Variants in NUP50 observed in about 807,000 individuals in gnomAD.
NUP50 encodes nuclear pore complex protein Nup50.
In NUP50, 14 loss-of-function variants were observed where a neutral mutation model predicts 36.8. That is an observed-to-expected ratio of 0.38 (90% CI 0.25 to 0.59). The LOEUF (loss-of-function observed/expected upper bound fraction) is 0.59. NUP50 is among the 20% of genes least tolerant of loss of function. NUP50 has a pLI of 0.63. For missense variants in NUP50, 455 were observed against 564.6 expected (o/e 0.81, Z 1.97); for synonymous variants, 195 against 210.8 (o/e 0.93, Z 0.65).
intron 2 of NUP50, among the ~76,000 whole-genome samples, chr22:45,169,108 G>C (rs554658026): frequency 5.9e-5 from 9 of 152,160 alleles, no homozygotes; most frequent in Non-Finnish European, 1.0e-4. Context: ...CACCATGTTG[G>C]TCAGACTGGT....
chr22:45,177,934 C>T, intron 4 of NUP50: 1 of 313,342 alleles, frequency 3.2e-6, no homozygotes, highest in South Asian at 3.3e-5. Flanking sequence ...CAAGACCAGC[C>T]TGGCCAACAT....
intron 3 of NUP50, among the ~76,000 whole-genome samples, chr22:45,173,761 G>A (rs2074234371): frequency 6.6e-6 from 1 of 152,196 alleles, no homozygotes; most frequent in Non-Finnish European, 1.5e-5. Flanking sequence ...AAGTTCAAGA[G>A]GTAGAAATAG....
At chr22:45,173,061 A>G (rs1417959915) in intron 3 of NUP50, among the ~76,000 whole-genome samples, 1 of 152,118 alleles carries the variant, frequency 6.6e-6, no homozygotes, top group African/African-American at 2.4e-5. Flanking sequence ...GCATGAGAGG[A>G]GCTTCATTTC....
In NUP50 at chr22:45,178,537, A is replaced by C. The variant is rs776213758; in HGVS notation, c.640A>C (p.Lys214Gln). Residue 214 changes from lysine (K) to glutamine (Q), a missense_variant, in exon 5 of 8, where the codon AAA (lysine) becomes CAA (glutamine). Lys to Gln is a moderately conservative substitution (Grantham distance 53). Coordinates refer to ENST00000347635, the MANE Select transcript of NUP50 (RefSeq NM_007172.4). Reference sequence around the variant, plus strand: ...CAGGAATTCTGAAAGTGAATCTAACAAAGTGGCAGCTGAAACACAGTCTCC... The same window carrying C: ...CAGGAATTCTGAAAGTGAATCTAACCAAGTGGCAGCTGAAACACAGTCTCC... ...SGRNSESESN[K>Q]VAAETQSPSL... 2.4e-5 allele frequency: 38 copies of C among 1,611,962 alleles called. No homozygotes were observed. Among genetic ancestry groups the C allele is most frequent in the Non-Finnish European group, 3.1e-5 (36 of 1,179,876 alleles).
At chr22:45,181,833 G>A (rs905083244) in intron 6 of NUP50, among the ~76,000 whole-genome samples, 57 of 152,248 alleles carry the variant, frequency 3.7e-4, no homozygotes, top group African/African-American at 1.4e-3. Context: ...CACAGTAACC[G>A]TCCCTTCCTG....
At position 45,184,955 on chromosome 22, in the gene NUP50, G is replaced by C. The variant is rs9614613; in HGVS notation, c.*300G>C. On this transcript the variant is annotated 3_prime_UTR_variant, in exon 8 of 8. Coordinates refer to ENST00000347635, the MANE Select transcript of NUP50 (RefSeq NM_007172.4). ...TGATTTCTTCAAGGACTGCAATCAG[G>C]GTATCAATTTGCTTTCCCAAAGGCT... 0.48 allele frequency: 182,658 copies of C among 380,058 alleles called. 45,048 individuals carry two copies. Among genetic ancestry groups the C allele is most frequent in the Middle Eastern group, 0.53 (637 of 1,212 alleles). 23.5% of individuals were successfully genotyped at this position (380,058 alleles called of 1,614,324 possible). A position where few individuals can be genotyped will look rare whatever the true frequency, so the allele number is the denominator to read the frequency against.
intron 1 of NUP50, 180 bp downstream of exon 1, chr22:45,164,476 G>A (rs1569039599): frequency 6.5e-6 from 1 of 153,822 alleles, no homozygotes; most frequent in Non-Finnish European, 1.4e-5. Context: ...GGGCCCCTGG[G>A]GAGGGGTGCG....
intron 3 of NUP50, among the ~76,000 whole-genome samples, chr22:45,173,502 A>G (rs796096656): frequency 3.5e-4 from 53 of 152,256 alleles, no homozygotes; most frequent in African/African-American, 1.2e-3. Context: ...GGTCTTGGAA[A>G]TGCTGTATTT....
Position 45,168,158 on chromosome 22 carries a change from T to A in NUP50, c.-10-10T>A. ...TAGAAAAATAAACTCTTCTGTTTTC[T>A]ATAACTTAGGTTCGAAAACATGGCC... On this transcript the variant is annotated splice_polypyrimidine_tract_variant and intron_variant, in intron 1 of 7. Coordinates refer to ENST00000347635, the MANE Select transcript of NUP50 (RefSeq NM_007172.4). 6.3e-7 allele frequency: 1 copy of A among 1,591,330 alleles called. No individual in the cohort carries two copies. The highest frequency in any genetic ancestry group is 8.6e-7 in the Non-Finnish European group (1 of 1,167,768).
Position 45,184,494 on chromosome 22 carries a change from T to C in NUP50, c.1246T>C (p.Cys416Arg). ...CGTTCTGATTCCACCCAATATGCCA[T>C]GTACGCGAACAGGGAAGAATAACGT... is the stretch of plus-strand genomic sequence containing the variant. ...LNVLIPPNMP[C>R]TRTGKNNVLI... The change falls in exon 8 of 8, where the codon TGT (cysteine) becomes CGT (arginine). Residue 416 changes from cysteine (C) to arginine (R), a missense_variant. Coordinates refer to ENST00000347635, the MANE Select transcript of NUP50 (RefSeq NM_007172.4). 1 of 1,614,016 alleles carries C rather than the reference T, an allele frequency of 6.2e-7. No individual in the cohort carries two copies. The highest frequency in any genetic ancestry group is 1.1e-5 in the South Asian group (1 of 91,082).
At chr22:45,183,556 T>A (rs1306100126) in intron 7 of NUP50, 36 bp downstream of exon 7, 1 of 1,262,078 alleles carries the variant, frequency 7.9e-7, no homozygotes, top group Middle Eastern at 1.9e-4. Context: ...AAAATCATCA[T>A]CACATAGTAT....
At position 45,187,149 on chromosome 22, in the gene NUP50, C is replaced by T. The variant is rs2083456490; in HGVS notation, c.*2494C>T. 1 of 145,134 alleles carries T rather than the reference C, an allele frequency of 6.9e-6. No homozygotes were observed. Among genetic ancestry groups the T allele is most frequent in the African/African-American group, 2.5e-5 (1 of 39,226 alleles). 9.0% of individuals were successfully genotyped at this position (145,134 alleles called of 1,614,324 possible). ...AAATTGTTTTGCATCTGGACAAATA[C>T]TAAATATCCCAGTGGCCTTTTTTTT... On this transcript the variant is annotated 3_prime_UTR_variant, in exon 8 of 8. Coordinates refer to ENST00000347635, the MANE Select transcript of NUP50 (RefSeq NM_007172.4).
chr22:45,178,562 C>A lies in NUP50; in HGVS notation c.665C>A (p.Pro222His). The A allele has an allele frequency of 1.2e-6, 2 of 1,612,030 alleles. No individual in the cohort carries two copies. The highest frequency in any genetic ancestry group is 1.7e-6 in the Non-Finnish European group (2 of 1,179,854). ...AAAGTGGCAGCTGAAACACAGTCTC[C>A]TTCCCTTTTTGGCTCAACAAAATTA... ...SNKVAAETQSPSLFGSTKLQQ... is the reference protein window; with the variant it reads ...SNKVAAETQSHSLFGSTKLQQ... The change falls in exon 5 of 8, where the codon CCT becomes CAT. Residue 222 changes from proline (P) to histidine (H), a missense_variant. Coordinates refer to ENST00000347635, the MANE Select transcript of NUP50 (RefSeq NM_007172.4).
At position 45,183,558 on chromosome 22, in the gene NUP50, A is replaced by G. The variant is rs752272433; in HGVS notation, c.1204+38A>G. 12 of 1,256,448 alleles carry G rather than the reference A, an allele frequency of 9.6e-6. No individual in the cohort carries two copies. The East Asian group carries it at 2.5e-4, about 27-fold the overall frequency. 77.8% of individuals were successfully genotyped at this position (1,256,448 alleles called of 1,614,324 possible). The stretch of plus-strand genomic sequence containing the variant: ...TTTCAGTTAGCACAAAATCATCATC[A>G]CATAGTATATAAAAGCGTTTACCCT... On this transcript the variant is annotated intron_variant, in intron 7 of 7. Transcript: ENST00000347635.
At chr22:45,177,331 C>T (rs1216876813) in intron 4 of NUP50, among the ~76,000 whole-genome samples, 6 of 152,168 alleles carry the variant, frequency 3.9e-5, no homozygotes, top group Admixed American at 1.3e-4. Flanking sequence ...TAGGTACACA[C>T]CACCACACTC....
intron 6 of NUP50, 118 bp from the exon 7 acceptor site, chr22:45,183,284 G>A (rs758119099): frequency 3.1e-5 from 20 of 640,966 alleles, no homozygotes; most frequent in Non-Finnish European, 1.7e-5. Flanking sequence ...TTATCCTGAA[G>A]CTTCCTGTAC....
chr22:45,165,856 G>C (rs1052816988), intron 1 of NUP50: 1 of 152,190 alleles, frequency 6.6e-6, no homozygotes, highest in African/African-American at 2.4e-5. Flanking sequence ...AATACTTCCT[G>C]TTCCACAGAT....
intron 2 of NUP50, chr22:45,171,234 T>C: frequency 9.2e-7 from 1 of 1,087,064 alleles, no homozygotes; most frequent in Non-Finnish European, 1.2e-6. Context: ...TCTTGCTCTG[T>C]TGCCCAGGCT....
intron 3 of NUP50, among the ~76,000 whole-genome samples, chr22:45,173,889 G>T (rs1306575098): frequency 1.3e-5 from 2 of 152,220 alleles, no homozygotes; most frequent in African/African-American, 4.8e-5. Context: ...GATAATTTTA[G>T]CTGTAACTCT....
Sources: allele counts gnomAD v4.1 joint callset (sites outside exome capture counted in the v4.1 genomes callset), GRCh38; gene constraint gnomAD v4.1.1; transcripts MANE v1.5; gene names NCBI Gene and HGNC (gene_info 2026-07-23, HGNC 2026-07-21).